Variants in CDKN2AIP observed in about 807,000 individuals in gnomAD.
CDKN2AIP encodes the protein CDKN2A-interacting protein.
In CDKN2AIP, 12 loss-of-function variants were observed where a neutral mutation model predicts 44.1. The ratio of observed to expected loss-of-function variants is 0.27; its 90% CI spans 0.17 to 0.44. The LOEUF (loss-of-function observed/expected upper bound fraction) is 0.44, where lower values mean the gene tolerates loss of function less well. Ranked by LOEUF, CDKN2AIP falls within the 20% of genes least tolerant of loss-of-function variation. CDKN2AIP has a pLI of 1.00. For missense variants in CDKN2AIP, 705 were observed against 681.6 expected, an observed-to-expected ratio of 1.03 and a Z score of -0.38; for synonymous variants, 291 against 272.1, an observed-to-expected ratio of 1.07 and a Z score of -0.68.
intron 2 of CDKN2AIP, 129 bp from the exon 3 acceptor site, chr4:183,445,959 C>G: frequency 1.3e-6 from 1 of 794,150 alleles, no homozygotes; most frequent in Non-Finnish European, 2.0e-6. Context: ...AATGACTCCA[C>G]ACTTTTTAAA....
chr4:183,447,196 A>G lies in CDKN2AIP; in HGVS notation c.1512A>G (p.Glu504=). Residue 504 remains glutamate (E), a synonymous_variant, in exon 3 of 3, where the codon GAA becomes GAG. Transcript: ENST00000504169. ...GCTCTCAAGAAAGTATTGTTTGTGAATTGAGGTGCAAGTCTGTGTATTTGG... is the reference window on the plus strand; with the variant it reads ...GCTCTCAAGAAAGTATTGTTTGTGAGTTGAGGTGCAAGTCTGTGTATTTGG... ...NKSSQESIVC[E]LRCKSVYLGT... 6.2e-7 allele frequency: 1 copy of G among 1,614,078 alleles called. No homozygotes were observed. The highest frequency in any genetic ancestry group is 8.5e-7 in the Non-Finnish European group (1 of 1,180,002).
rs1441220211 is a variant in CDKN2AIP, at chr4:183,446,529, C to G, written c.845C>G (p.Ser282Cys). ...TTGGAAGGCTCTTCAGCCTCAGCTT[C>G]TCAAAGCAGCTCAGAGATCGAGGTG... is the stretch of plus-strand genomic sequence containing the variant. ...SALEGSSASA[S>C]QSSSEIEVPL... Residue 282 changes from serine to cysteine, a missense_variant, in exon 3 of 3, where the codon TCT becomes TGT. Transcript: ENST00000504169. 5 of 1,613,806 alleles carry G rather than the reference C, an allele frequency of 3.1e-6. No individual in the cohort carries two copies. In the African/African-American group the frequency reaches 5.3e-5, roughly 17 times the overall value.
rs548429525 is a variant in CDKN2AIP at position 183,448,896 on chromosome 4, G to A, written c.*1469G>A. ...ATACCAAAGCTAAAATCCATATACT[G>A]TAAGTGGGTTGCCTTTATAGATTGC... is the stretch of plus-strand genomic sequence containing the variant. On this transcript the variant is annotated 3_prime_UTR_variant, in exon 3 of 3. Transcript: ENST00000504169. Among the ~76,000 whole-genome samples, 1 of 152,036 alleles carries A rather than the reference G, an allele frequency of 6.6e-6. No homozygotes were observed. Among genetic ancestry groups the A allele is most frequent in the Non-Finnish European group, 1.5e-5 (1 of 67,972 alleles).
intron 2 of CDKN2AIP, 47 bp downstream of exon 2, chr4:183,445,712 G>T (rs1321476632): frequency 6.7e-7 from 1 of 1,486,748 alleles, no homozygotes; most frequent in Non-Finnish European, 9.3e-7. Flanking sequence ...TAGAGCATAA[G>T]TTTGATATAA....
At chr4:183,445,202 C>T (rs1000801073) in intron 1 of CDKN2AIP, 133 bp downstream of exon 1, 4 of 1,173,368 alleles carry the variant, frequency 3.4e-6, no homozygotes, top group Non-Finnish European at 4.7e-6. Context: ...GCCGGCCCGG[C>T]TGCCCTCTAA....
Position 183,444,794 on chromosome 4 carries a change from C to G in CDKN2AIP, c.-4C>G. On this transcript the variant is annotated 5_prime_UTR_variant, in exon 1 of 3. Coordinates refer to ENST00000504169, the MANE Select transcript of CDKN2AIP (RefSeq NM_017632.4). ...CAGCTGTGTTCGCGGCCTGCAGGCCCAACATGGCGCAGGAGGTGTCGGAGT... is the reference window on the plus strand; with the variant it reads ...CAGCTGTGTTCGCGGCCTGCAGGCCGAACATGGCGCAGGAGGTGTCGGAGT... 1 of 1,527,030 alleles carries G rather than the reference C, an allele frequency of 6.5e-7. No individual in the cohort carries two copies. Among genetic ancestry groups the G allele is most frequent in the Middle Eastern group, 1.8e-4 (1 of 5,626 alleles). The allele number at this position is 1,527,030 out of a possible 1,614,324, so 94.6% of individuals were successfully genotyped here.
chr4:183,447,468 A>G lies in CDKN2AIP; in HGVS notation c.*41A>G. ...ACTGCATACAATATCTGGTATTTGA[A>G]GAGAAAAACTGACTTTTGTATAGTA... On this transcript the variant is annotated 3_prime_UTR_variant, in exon 3 of 3. Coordinates refer to ENST00000504169, the MANE Select transcript of CDKN2AIP (RefSeq NM_017632.4). 2 of 1,408,070 alleles carry G rather than the reference A, an allele frequency of 1.4e-6. No homozygotes were observed. The highest frequency in any genetic ancestry group is 2.9e-5 in the South Asian group (2 of 68,060). The allele number at this position is 1,408,070 out of a possible 1,614,324, so 87.2% of individuals were successfully genotyped here. A position where few individuals can be genotyped will look rare whatever the true frequency, so the allele number is the denominator to read the frequency against.
intron 1 of CDKN2AIP, 62 bp downstream of exon 1, chr4:183,445,131 CCCGGCGCCCTCCGCGGGA>C: frequency 6.6e-7 from 1 of 1,508,874 alleles, no homozygotes; most frequent in Non-Finnish European, 8.9e-7. Flanking sequence ...CAGACCGGGG[CCCGGCGCCCTCCGCGGGA>C]CCGGCCTCGG....
In CDKN2AIP at chr4:183,446,690, A is replaced by G. The variant is rs754838586; in HGVS notation, c.1006A>G (p.Asn336Asp). Residue 336 changes from asparagine (N) to aspartate (D), a missense_variant, in exon 3 of 3, where the codon AAC (asparagine) becomes GAC (aspartate). By Grantham distance (23) the Asn-to-Asp change is conservative (BLOSUM62 1). Coordinates refer to ENST00000504169, the MANE Select transcript of CDKN2AIP (RefSeq NM_017632.4). ...AAGTGTTTCATCATCAGTTGCTAAA[A>G]ACAGTTCCTCATCAGGCACATCCTT... is the stretch of plus-strand genomic sequence containing the variant. The part of the protein sequence containing the change: ...EASVSSSVAK[N>D]SSSSGTSLLT... The G allele has an allele frequency of 6.2e-7, 1 of 1,614,186 alleles. No homozygotes were observed. Among genetic ancestry groups the G allele is most frequent in the Admixed American group, 1.7e-5 (1 of 60,030 alleles).
chr4:183,444,787 G>C lies in CDKN2AIP; in HGVS notation c.-11G>C. The C allele has an allele frequency of 6.6e-7, 1 of 1,518,138 alleles. No homozygotes were observed. The highest frequency in any genetic ancestry group is 1.2e-5 in the South Asian group (1 of 81,340). 94.0% of individuals were successfully genotyped at this position (1,518,138 alleles called of 1,614,324 possible). ...CCCGGTGCAGCTGTGTTCGCGGCCTGCAGGCCCAACATGGCGCAGGAGGTG... is the reference window on the plus strand; with the variant it reads ...CCCGGTGCAGCTGTGTTCGCGGCCTCCAGGCCCAACATGGCGCAGGAGGTG... On this transcript the variant is annotated 5_prime_UTR_variant, in exon 1 of 3. Transcript: ENST00000504169.
chr4:183,444,703 A>C lies in CDKN2AIP; in HGVS notation c.-95A>C, dbSNP rs937856186. 1.5e-6 allele frequency: 2 copies of C among 1,291,468 alleles called. No homozygotes were observed. The highest frequency in any genetic ancestry group is 1.5e-5 in the African/African-American group (1 of 65,042). 80.0% of individuals were successfully genotyped at this position (1,291,468 alleles called of 1,614,324 possible). A position where few individuals can be genotyped will look rare whatever the true frequency, so the allele number is the denominator to read the frequency against. On this transcript the variant is annotated 5_prime_UTR_variant, in exon 1 of 3. Transcript: ENST00000504169. ...AGGCCTGCGGAGGGGCGTTATCTGG[A>C]GGGCCGCGGGTGCAGGCCGCAGTGA... is the stretch of plus-strand genomic sequence containing the variant.
rs779975198 is a variant in CDKN2AIP at position 183,446,805 on chromosome 4, A to G, written c.1121A>G (p.Lys374Arg). 1.2e-6 allele frequency: 2 copies of G among 1,614,216 alleles called. No homozygotes were observed. The highest frequency in any genetic ancestry group is 1.7e-5 in the Admixed American group (1 of 60,024). The change falls in exon 3 of 3, where the codon AAG becomes AGG. Residue 374 changes from lysine (K) to arginine (R), a missense_variant. By Grantham distance (26) the Lys-to-Arg change is conservative. Transcript: ENST00000504169. ...GTAGCTGCATCACTACTAGCTTCCA[A>G]GAGCAGCTCCCAGACCAGTGGATCT... Reference protein sequence around the residue: ...SQVAASLLASKSSSQTSGSLV... With the variant: ...SQVAASLLASRSSSQTSGSLV...
chr4:183,448,718 A>AT lies in CDKN2AIP; in HGVS notation c.*1294dup, dbSNP rs1179303624. Among the ~76,000 whole-genome samples, 1 of 152,206 alleles carries AT rather than the reference A, an allele frequency of 6.6e-6. No homozygotes were observed. Among genetic ancestry groups the AT allele is most frequent in the East Asian group, 1.9e-4 (1 of 5,208 alleles). ...AATAGGAAAATCAAACGTAAGCACA[A>AT]TTTAAGTATGTAGCAGTTATTCCTA... On this transcript the variant is annotated 3_prime_UTR_variant, in exon 3 of 3. Coordinates refer to ENST00000504169, the MANE Select transcript of CDKN2AIP (RefSeq NM_017632.4).
chr4:183,444,699 C>A lies in CDKN2AIP; in HGVS notation c.-99C>A. The A allele has an allele frequency of 7.8e-7, 1 of 1,281,936 alleles. No homozygotes were observed. Among genetic ancestry groups the A allele is most frequent in the Non-Finnish European group, 1.0e-6 (1 of 961,514 alleles). 79.4% of individuals were successfully genotyped at this position (1,281,936 alleles called of 1,614,324 possible). A position where few individuals can be genotyped will look rare whatever the true frequency, so the allele number is the denominator to read the frequency against. On this transcript the variant is annotated 5_prime_UTR_variant, in exon 1 of 3. In the 5' UTR this introduces an upstream ATG that the reference lacks. Transcript: ENST00000504169. Reference sequence around the variant, plus strand: ...CTTTAGGCCTGCGGAGGGGCGTTATCTGGAGGGCCGCGGGTGCAGGCCGCA... The same window carrying A: ...CTTTAGGCCTGCGGAGGGGCGTTATATGGAGGGCCGCGGGTGCAGGCCGCA...
In CDKN2AIP at chr4:183,446,820, C is replaced by T; in HGVS notation, c.1136C>T (p.Thr379Ile). The change falls in exon 3 of 3, where the codon ACC becomes ATC. Residue 379 changes from threonine to isoleucine, a missense_variant. Physicochemically the swap from Thr to Ile is moderately conservative, Grantham distance 89. This residue lies in a region of CDKN2AIP where 592 missense variants were observed against 518.0 expected (regional missense o/e 1.14). Transcript: ENST00000504169. The part of the protein sequence containing the change: ...SLLASKSSSQ[T>I]SGSLVSKSTS... Reference sequence around the variant, plus strand: ...CTAGCTTCCAAGAGCAGCTCCCAGACCAGTGGATCTCTGGTTTCCAAAAGC... The same window carrying T: ...CTAGCTTCCAAGAGCAGCTCCCAGATCAGTGGATCTCTGGTTTCCAAAAGC... The T allele has an allele frequency of 2.5e-6, 4 of 1,614,216 alleles. No individual in the cohort carries two copies. The highest frequency in any genetic ancestry group is 2.5e-6 in the Non-Finnish European group (3 of 1,180,042).
rs1579142068 is a variant in CDKN2AIP, at chr4:183,447,586, A to T, written c.*159A>T. On this transcript the variant is annotated 3_prime_UTR_variant, in exon 3 of 3. Transcript: ENST00000504169. Reference sequence around the variant, plus strand: ...TTCTCTTCACACAGTAGCAGTTGTAAATAATTTATGAATGACAGTACACAT... The same window carrying T: ...TTCTCTTCACACAGTAGCAGTTGTATATAATTTATGAATGACAGTACACAT... 1.9e-6 allele frequency: 1 copy of T among 530,894 alleles called. No homozygotes were observed. Among genetic ancestry groups the T allele is most frequent in the East Asian group, 3.0e-5 (1 of 32,918 alleles). The allele number at this position is 530,894 out of a possible 1,614,324, so 32.9% of individuals were successfully genotyped here.
chr4:183,444,925 C>G lies in CDKN2AIP; in HGVS notation c.128C>G (p.Ala43Gly). Residue 43 changes from alanine to glycine, a missense_variant, in exon 1 of 3, where the codon GCC (alanine) becomes GGC (glycine). Transcript: ENST00000504169. The part of the protein sequence containing the change: ...RHRRDFLLRN[A>G]GDLAPAGGAA... ...CGCCGGGATTTTTTGCTTCGCAACG[C>G]CGGGGACCTGGCCCCCGCTGGCGGC... 9 of 1,611,098 alleles carry G rather than the reference C, an allele frequency of 5.6e-6. No homozygotes were observed. Among genetic ancestry groups the G allele is most frequent in the Non-Finnish European group, 7.6e-6 (9 of 1,178,892 alleles).
Position 183,448,270 on chromosome 4 carries a change from A to AT in CDKN2AIP, c.*843_*844insT. ...TTCCCATGACTTGTCATTATAAATT[A>AT]GACAACCAGGTAATTGTGTGATATA... On this transcript the variant is annotated 3_prime_UTR_variant, in exon 3 of 3. Transcript: ENST00000504169. The AT allele has an allele frequency of 6.6e-6, 1 of 151,464 alleles. No homozygotes were observed. The highest frequency in any genetic ancestry group is 2.5e-5 in the African/African-American group (1 of 40,754). The allele number at this position is 151,464 out of a possible 1,614,324, so 9.4% of individuals were successfully genotyped here.
In CDKN2AIP at chr4:183,446,508, A is replaced by T; in HGVS notation, c.824A>T (p.Glu275Val). Residue 275 changes from glutamate to valine, a missense_variant, in exon 3 of 3, where the codon GAA (glutamate) becomes GTA (valine). Around this residue, in one of 2 missense-constraint regions of CDKN2AIP, gnomAD observed 592 missense variants for 518.0 expected, o/e 1.14. Transcript: ENST00000504169. ...QSGSPKKSAL[E>V]GSSASASQSS... ...GGATCACCTAAAAAGAGTGCTTTGGAAGGCTCTTCAGCCTCAGCTTCTCAA... is the reference window on the plus strand; with the variant it reads ...GGATCACCTAAAAAGAGTGCTTTGGTAGGCTCTTCAGCCTCAGCTTCTCAA... The T allele has an allele frequency of 6.2e-7, 1 of 1,613,624 alleles. No homozygotes were observed. Among genetic ancestry groups the T allele is most frequent in the Non-Finnish European group, 8.5e-7 (1 of 1,179,504 alleles).
Sources: gnomAD v4.1 joint callset for allele counts (sites outside exome capture counted in the v4.1 genomes callset) on GRCh38, gnomAD v4.1.1 for gene constraint, gnomAD v4.1.1 regional missense constraint, MANE v1.5 for transcripts, NCBI Gene and HGNC (gene_info 2026-07-23, HGNC 2026-07-21) for gene names.